Variants in EXOC4 observed in about 807,000 individuals in gnomAD.
EXOC4 encodes the protein SEC8-like 1.
A neutral mutation model predicts 107.2 loss-of-function variants in EXOC4; 71 were observed. The ratio of observed to expected loss-of-function variants is 0.66; its 90% CI spans 0.55 to 0.81. EXOC4 has a LOEUF of 0.81. EXOC4 is among the 30% of genes least tolerant of loss of function. The probability of loss-of-function intolerance (pLI) is 0.00; values close to 1 mark genes in which losing one functional copy is unlikely to be tolerated. For missense variants in EXOC4, 1,108 were observed against 1,189.6 expected (o/e 0.93, Z 1.01); for synonymous variants, 456 against 441.2 (o/e 1.03, Z -0.42).
chr7:134,068,430 C>G (rs1382246923), downstream of EXOC4, among the ~76,000 whole-genome samples: 1 of 152,208 alleles, frequency 6.6e-6, no homozygotes, highest in East Asian at 1.9e-4. Context: ...TCCTTGCCTA[C>G]TGCCATGTAA....
At chr7:133,602,461 G>A (rs1003032609) in intron 9 of EXOC4, among the ~76,000 whole-genome samples, 7 of 152,282 alleles carry the variant, frequency 4.6e-5, no homozygotes, top group East Asian at 3.9e-4. Flanking sequence ...GTGGCAGCCC[G>A]TTGTGCTTTC....
intron 9 of EXOC4, among the ~76,000 whole-genome samples, chr7:133,621,108 A>T (rs998154007): frequency 6.6e-6 from 1 of 152,230 alleles, no homozygotes; most frequent in Admixed American, 6.5e-5. Context: ...ACTTATGCTC[A>T]TGGAAGAGCT....
chr7:133,561,437 C>T (rs777531938), intron 9 of EXOC4, among the ~76,000 whole-genome samples: 1 of 152,112 alleles, frequency 6.6e-6, no homozygotes, highest in Non-Finnish European at 1.5e-5. Context: ...AAGCCATTAC[C>T]CCTATTTGCC....
At chr7:133,270,009 G>C (rs974879847) in intron 1 of EXOC4, among the ~76,000 whole-genome samples, 1 of 152,096 alleles carries the variant, frequency 6.6e-6, no homozygotes, top group Non-Finnish European at 1.5e-5. Flanking sequence ...CACAATTCCC[G>C]CGTGTCGTGG....
At chr7:134,090,955 C>G in the EXOC4 span, among the ~76,000 whole-genome samples, 1 of 151,820 alleles carries the variant, frequency 6.6e-6, no homozygotes, top group African/African-American at 2.4e-5. Context: ...TAACCCAATC[C>G]CATTCTTTAC....
intron 14 of EXOC4, 106 bp downstream of exon 14, chr7:133,938,175 C>T: frequency 1.8e-6 from 2 of 1,102,524 alleles, no homozygotes; most frequent in Non-Finnish European, 1.3e-6. Context: ...GGGCGTGTCC[C>T]AAGCTGTCAG....
intron 7 of EXOC4, among the ~76,000 whole-genome samples, chr7:133,413,446 C>T (rs1368599683): frequency 6.6e-6 from 1 of 152,096 alleles, no homozygotes; most frequent in Non-Finnish European, 1.5e-5. Flanking sequence ...TTTCTTTAGT[C>T]TTCCGTAGCT....
chr7:133,990,816 C>T (rs560440321), intron 14 of EXOC4, among the ~76,000 whole-genome samples: 108 of 152,196 alleles, frequency 7.1e-4, no homozygotes, highest in Non-Finnish European at 1.4e-3. Flanking sequence ...CATTTTCTTC[C>T]ACCATTCATG....
At chr7:133,875,778 C>T (rs1798835731) in intron 11 of EXOC4, among the ~76,000 whole-genome samples, 1 of 152,204 alleles carries the variant, frequency 6.6e-6, no homozygotes, top group Admixed American at 6.5e-5. Context: ...TTGAAACTGT[C>T]ATCTGAGGAA....
chr7:133,895,830 A>G lies in EXOC4; in HGVS notation c.1871+95A>G, dbSNP rs1489454711. ...CTTCAATAGCCTAATTTCCAAAAGG[A>G]TCATCTCTGAGTTTGTCAAGAGATG... is the stretch of plus-strand genomic sequence containing the variant. On this transcript the variant is annotated intron_variant, in intron 12 of 17. Transcript: ENST00000253861. 3 of 1,357,470 alleles carry G rather than the reference A, an allele frequency of 2.2e-6. No homozygotes were observed. In the African/African-American group the frequency reaches 4.3e-5, roughly 20 times the overall value. The allele number at this position is 1,357,470 out of a possible 1,614,324, so 84.1% of individuals were successfully genotyped here. A position where few individuals can be genotyped will look rare whatever the true frequency, so the allele number is the denominator to read the frequency against.
intron 7 of EXOC4, among the ~76,000 whole-genome samples, chr7:133,403,952 C>G (rs77709047): frequency 1.3e-5 from 2 of 152,244 alleles, no homozygotes; most frequent in African/African-American, 4.8e-5. Context: ...CTCTGTCTCT[C>G]TCTAAGACCA....
intron 10 of EXOC4, among the ~76,000 whole-genome samples, chr7:133,699,518 C>A (rs1339312072): frequency 5.3e-5 from 8 of 152,118 alleles, no homozygotes; most frequent in African/African-American, 1.9e-4. Context: ...AGCATCAGTT[C>A]GTTAGTGGAA....
intron 3 of EXOC4, among the ~76,000 whole-genome samples, chr7:133,301,900 T>C (rs1317756582): frequency 2.0e-5 from 3 of 152,204 alleles, no homozygotes; most frequent in Non-Finnish European, 2.9e-5. Context: ...CAAAACTAGA[T>C]CTTTTTACAT....
chr7:133,823,877 TA>T (rs1483283135), intron 11 of EXOC4, among the ~76,000 whole-genome samples: 4 of 20,818 alleles, frequency 1.9e-4, no homozygotes, highest in African/African-American at 5.2e-4. Context: ...ATATATTATA[TA>T]TATATATATA....
At chr7:133,259,836 T>C (rs1795103196) in intron 1 of EXOC4, among the ~76,000 whole-genome samples, 1 of 152,224 alleles carries the variant, frequency 6.6e-6, no homozygotes, top group Admixed American at 6.5e-5. Flanking sequence ...TTACTCTATA[T>C]ACTAATTTTA....
At chr7:133,566,835 G>A (rs1400197439) in intron 9 of EXOC4, among the ~76,000 whole-genome samples, 2 of 152,298 alleles carry the variant, frequency 1.3e-5, no homozygotes, top group Non-Finnish European at 2.9e-5. Context: ...TTATGGTTAT[G>A]TGTAGACAAA....
chr7:133,515,413 G>A lies in EXOC4; in HGVS notation c.1417+35275G>A, dbSNP rs544132073. ...TGCACATATATACATATATATACAC[G>A]TGTATATATGTACACACATTTATAC... On this transcript the variant is annotated intron_variant, in intron 9 of 17. Coordinates refer to ENST00000253861, the MANE Select transcript of EXOC4 (RefSeq NM_021807.4). Among the ~76,000 whole-genome samples the A allele has an allele frequency of 4.0e-5, 6 of 151,780 alleles. No homozygotes were observed. The South Asian group carries it at 8.3e-4, about 21-fold the overall frequency.
chr7:133,988,273 G>A (rs1585303056), intron 14 of EXOC4, among the ~76,000 whole-genome samples: 1 of 152,118 alleles, frequency 6.6e-6, no homozygotes, highest in African/African-American at 2.4e-5. Context: ...CCCAGAAACA[G>A]GCTATAATGA....
At chr7:133,485,079 C>CAAAAAAAA (rs1491252321) in intron 9 of EXOC4, among the ~76,000 whole-genome samples, 1 of 27,868 alleles carries the variant, frequency 3.6e-5, no homozygotes, top group African/African-American at 1.1e-4. Context: ...GACTCCGTCT[C>CAAAAAAAA]AAAAAATAAA....
Sources: allele counts gnomAD v4.1 joint callset (sites outside exome capture counted in the v4.1 genomes callset), GRCh38; gene constraint gnomAD v4.1.1; transcripts MANE v1.5; gene names NCBI Gene and HGNC (gene_info 2026-07-23, HGNC 2026-07-21).